The following TCF4 variants were observed in gnomAD, a reference collection of about 807,000 sequenced individuals.
The protein encoded by TCF4 is transcription factor 4.
Under a neutral mutation model 82.1 loss-of-function variants are expected in TCF4, and 3 were observed. That is an observed-to-expected ratio of 0.04 (90% CI 0.02 to 0.09). The LOEUF (loss-of-function observed/expected upper bound fraction) is 0.09. Ranked by LOEUF, TCF4 falls within the 10% of genes least tolerant of loss-of-function variation. TCF4 has a pLI of 1.00. For missense variants in TCF4, 518 were observed against 852.7 expected, an observed-to-expected ratio of 0.61 and a Z score of 4.89; for synonymous variants, 276 against 309.6, an observed-to-expected ratio of 0.89 and a Z score of 1.14.
intron 17 of TCF4, 135 bp downstream of exon 17, chr18:55,232,374 G>A: frequency 1.1e-6 from 1 of 915,188 alleles, no homozygotes. Flanking sequence ...AGTACTTCTA[G>A]AGTAGGCCTT....
At chr18:55,556,709 A>G (rs796271877) in intron 3 of TCF4, among the ~76,000 whole-genome samples, 14 of 152,334 alleles carry the variant, frequency 9.2e-5, no homozygotes, top group African/African-American at 3.4e-4. Context: ...ACACATGTGT[A>G]TATTACCTTT....
At chr18:55,447,981 C>A (rs565973333) in intron 5 of TCF4, among the ~76,000 whole-genome samples, 4 of 125,946 alleles carry the variant, frequency 3.2e-5, no homozygotes, top group Non-Finnish European at 4.7e-5. Flanking sequence ...ATGAACAACC[C>A]TATTGTTTTG....
intron 3 of TCF4, among the ~76,000 whole-genome samples, chr18:55,548,173 ATT>A (rs1270561798): frequency 1.3e-5 from 2 of 152,354 alleles, no homozygotes; most frequent in Admixed American, 1.3e-4. Context: ...CACTTCGTTT[ATT>A]TTAATGATTA....
chr18:55,447,533 T>C (rs1403027298), intron 5 of TCF4, among the ~76,000 whole-genome samples: 2 of 152,148 alleles, frequency 1.3e-5, no homozygotes, highest in Non-Finnish European at 2.9e-5. Flanking sequence ...TTCCCAAAAG[T>C]ACTTGCTGGG....
At chr18:55,399,822 G>GCTTT (rs2093693424) in intron 6 of TCF4, among the ~76,000 whole-genome samples, 1 of 142,920 alleles carries the variant, frequency 7.0e-6, no homozygotes, top group East Asian at 2.0e-4. Context: ...CAGATAGGCA[G>GCTTT]CTTTCTTTCT....
intron 3 of TCF4, among the ~76,000 whole-genome samples, chr18:55,498,139 G>A (rs1440250522): frequency 1.3e-5 from 2 of 152,168 alleles, no homozygotes; most frequent in Non-Finnish European, 2.9e-5. Context: ...ATTAAATGAA[G>A]CATAAGATGT....
intron 6 of TCF4, among the ~76,000 whole-genome samples, chr18:55,383,600 T>C (rs1276818730): frequency 6.6e-6 from 1 of 152,184 alleles, no homozygotes; most frequent in Non-Finnish European, 1.5e-5. Flanking sequence ...CTGATATCTG[T>C]ATAATAAACA....
intron 11 of TCF4, among the ~76,000 whole-genome samples, chr18:55,262,828 A>G (rs1490265102): frequency 6.6e-6 from 1 of 152,086 alleles, no homozygotes; most frequent in Non-Finnish European, 1.5e-5. Context: ...TTGTTTTGAG[A>G]TGGAGTCTTG....
intron 1 of TCF4, 146 bp downstream of exon 1, chr18:55,587,892 A>T: frequency 1.8e-6 from 1 of 543,696 alleles, no homozygotes; most frequent in Non-Finnish European, 2.2e-6. Flanking sequence ...AAGCGGCGGG[A>T]GGGGAAGGGG....
intron 5 of TCF4, among the ~76,000 whole-genome samples, chr18:55,429,616 C>T (rs1426793002): frequency 6.6e-6 from 1 of 151,858 alleles, no homozygotes; most frequent in Non-Finnish European, 1.5e-5. Flanking sequence ...AAAAAATTAG[C>T]CGGGCATGGT....
In TCF4 at chr18:55,226,715, C is replaced by A. The variant is rs965223238; in HGVS notation, c.*1320G>T. The stretch of plus-strand genomic sequence containing the variant: ...ATTTTGAAAAAAAAAATCAAGAAAG[C>A]AACAAAATCAATCAGCTCTGTCACA... On this transcript the variant is annotated 3_prime_UTR_variant, in exon 20 of 20. Coordinates refer to ENST00000354452, the MANE Select transcript of TCF4 (RefSeq NM_001083962.2). 1.1e-4 allele frequency: 16 copies of A among 152,316 alleles called. No homozygotes were observed. The highest frequency in any genetic ancestry group is 3.9e-4 in the African/African-American group (16 of 41,328). 9.4% of individuals were successfully genotyped at this position (152,316 alleles called of 1,614,324 possible). A position where few individuals can be genotyped will look rare whatever the true frequency, so the allele number is the denominator to read the frequency against.
intron 3 of TCF4, among the ~76,000 whole-genome samples, chr18:55,564,082 G>C (rs10503004): frequency 6.6e-6 from 1 of 152,182 alleles, no homozygotes; most frequent in Non-Finnish European, 1.5e-5. Context: ...GAAAGTCGCC[G>C]TGAGAAAGTG....
At chr18:55,360,604 T>A (rs546100294) in intron 6 of TCF4, among the ~76,000 whole-genome samples, 1 of 152,322 alleles carries the variant, frequency 6.6e-6, no homozygotes, top group South Asian at 2.1e-4. Flanking sequence ...TCTGCCATTG[T>A]TACGCTAAAT....
intron 2 of TCF4, among the ~76,000 whole-genome samples, chr18:55,604,530 T>G (rs1244713305): frequency 6.6e-6 from 1 of 152,146 alleles, no homozygotes; most frequent in Non-Finnish European, 1.5e-5. Flanking sequence ...AAAGAGGATC[T>G]TTGCTTTTAG....
At chr18:55,271,333 T>C (rs1306021623) in intron 10 of TCF4, among the ~76,000 whole-genome samples, 1 of 152,136 alleles carries the variant, frequency 6.6e-6, no homozygotes, top group Non-Finnish European at 1.5e-5. Context: ...ATAGAGCTTA[T>C]AGTTCTGCAT....
chr18:55,630,629 G>GTTTATTC (rs1191781572), intron 2 of TCF4, among the ~76,000 whole-genome samples: 2 of 152,316 alleles, frequency 1.3e-5, no homozygotes, highest in African/African-American at 4.8e-5. Context: ...TGTTTATTGT[G>GTTTATTC]TGGCAGAAAC....
At chr18:55,384,126 C>T (rs902130845) in intron 6 of TCF4, 11 of 152,224 alleles carry the variant, frequency 7.2e-5, no homozygotes, top group African/African-American at 2.4e-4. Context: ...TTTCTGATCT[C>T]TTCAATTATG....
intron 2 of TCF4, among the ~76,000 whole-genome samples, chr18:55,603,473 T>G (rs2097699302): frequency 6.6e-6 from 1 of 152,234 alleles, no homozygotes; most frequent in Non-Finnish European, 1.5e-5. Flanking sequence ...GGTATTATTA[T>G]TATTATTTAT....
At chr18:55,385,441 C>T (rs1328420873) in intron 6 of TCF4, among the ~76,000 whole-genome samples, 1 of 152,204 alleles carries the variant, frequency 6.6e-6, no homozygotes, top group East Asian at 1.9e-4. Context: ...TCTCTCTTGT[C>T]ACCCAGGCTG....
Sources: allele counts gnomAD v4.1 joint callset (sites outside exome capture counted in the v4.1 genomes callset), GRCh38; gene constraint gnomAD v4.1.1; transcripts MANE v1.5; gene names NCBI Gene and HGNC (gene_info 2026-07-23, HGNC 2026-07-21).